The following CNTNAP2 variants were observed in gnomAD, a reference collection of about 807,000 sequenced individuals.
The protein encoded by CNTNAP2 is contactin associated protein 2.
In CNTNAP2, 98 loss-of-function variants were observed where a neutral mutation model predicts 155.2. The observed-to-expected ratio is 0.63, with a 90% CI of 0.54 to 0.75. The LOEUF (loss-of-function observed/expected upper bound fraction) is 0.75. Ranked by LOEUF, CNTNAP2 falls within the 30% of genes least tolerant of loss-of-function variation. The probability of loss-of-function intolerance (pLI) is 0.00; values close to 1 mark genes in which losing one functional copy is unlikely to be tolerated. For synonymous variants in CNTNAP2, 651 were observed against 631.2 expected (o/e 1.03, Z -0.47); for missense variants, 1,727 against 1,688.1 (o/e 1.02, Z -0.40).
At chr7:146,901,249 T>C (rs1045710503) in intron 3 of CNTNAP2, among the ~76,000 whole-genome samples, 20 of 152,144 alleles carry the variant, frequency 1.3e-4, no homozygotes, top group African/African-American at 4.6e-4. Context: ...GCCTCAACAG[T>C]TTCTGCTGAG....
At chr7:146,128,437 A>T (rs995361853) in intron 1 of CNTNAP2, among the ~76,000 whole-genome samples, 4 of 152,194 alleles carry the variant, frequency 2.6e-5, no homozygotes, top group African/African-American at 9.6e-5. Flanking sequence ...AATTCCAGCC[A>T]GTAGTTCTAG....
chr7:147,736,232 C>T (rs1377576400), intron 13 of CNTNAP2, among the ~76,000 whole-genome samples: 1 of 151,838 alleles, frequency 6.6e-6, no homozygotes, highest in African/African-American at 2.4e-5. Context: ...GACAAAATCT[C>T]TCAGCATTTG....
At chr7:147,044,851 T>C (rs1799327112) in intron 4 of CNTNAP2, among the ~76,000 whole-genome samples, 1 of 152,080 alleles carries the variant, frequency 6.6e-6, no homozygotes, top group Admixed American at 6.6e-5. Context: ...GTGACCTCAA[T>C]TTCTTTAAAA....
In CNTNAP2 at chr7:146,599,720, GA is replaced by G. The variant is rs369365862; in HGVS notation, c.98-174550del. 5.0e-3 allele frequency among the ~76,000 whole-genome samples: 726 copies of G among 145,584 alleles called. 5 individuals are homozygous for G. The highest frequency in any genetic ancestry group is 0.017 in the African/African-American group (673 of 38,860). ...CAAAGTTTAGATAGCTATAGAGACA[GA>G]GAGCCAGAAAGACGACAGACAGAGA... On this transcript the variant is annotated intron_variant, in intron 1 of 23. Transcript: ENST00000361727.
chr7:147,864,520 G>C (rs75411189), intron 13 of CNTNAP2, among the ~76,000 whole-genome samples: 1 of 150,308 alleles, frequency 6.7e-6, no homozygotes, highest in African/African-American at 2.5e-5. Flanking sequence ...ACCTTGGGCA[G>C]TATGGCCATT....
chr7:146,171,991 A>T (rs4598171), intron 1 of CNTNAP2, among the ~76,000 whole-genome samples: 1 of 146,980 alleles, frequency 6.8e-6, no homozygotes, highest in Non-Finnish European at 1.5e-5. Context: ...TTTGCTTTGT[A>T]CCTTTATTTC....
intron 1 of CNTNAP2, among the ~76,000 whole-genome samples, chr7:146,697,351 G>C (rs556091591): frequency 5.3e-4 from 81 of 151,740 alleles, no homozygotes; most frequent in Non-Finnish European, 8.8e-4. Flanking sequence ...AATTCTCCCT[G>C]CTCAGCCTCC....
chr7:148,349,846 G>A (rs933880038), intron 21 of CNTNAP2, among the ~76,000 whole-genome samples: 5 of 152,234 alleles, frequency 3.3e-5, no homozygotes, highest in African/African-American at 1.2e-4. Context: ...GCATTTACCT[G>A]AACAGAAGGA....
At chr7:146,271,974 A>G (rs557885867) in intron 1 of CNTNAP2, among the ~76,000 whole-genome samples, 4 of 152,346 alleles carry the variant, frequency 2.6e-5, no homozygotes, top group East Asian at 1.9e-4. Flanking sequence ...TCTTCTACCA[A>G]TAAATTCATG....
chr7:147,922,030 T>C (rs1185948455), intron 14 of CNTNAP2, among the ~76,000 whole-genome samples: 2 of 152,216 alleles, frequency 1.3e-5, no homozygotes, highest in East Asian at 1.9e-4. Flanking sequence ...GCAAGTCCCA[T>C]ATTAGCCATA....
At chr7:146,413,288 C>T (rs1795892635) in intron 1 of CNTNAP2, among the ~76,000 whole-genome samples, 1 of 152,122 alleles carries the variant, frequency 6.6e-6, no homozygotes, top group Non-Finnish European at 1.5e-5. Context: ...TTTCTCAATC[C>T]TGTTTGGATC....
intron 12 of CNTNAP2, among the ~76,000 whole-genome samples, chr7:147,611,308 C>T (rs1801179970): frequency 6.6e-6 from 1 of 152,160 alleles, no homozygotes; most frequent in Non-Finnish European, 1.5e-5. Context: ...GGTTAGAAGA[C>T]TCCTTATTGC....
intron 1 of CNTNAP2, among the ~76,000 whole-genome samples, chr7:146,136,483 A>G (rs548916595): frequency 6.6e-6 from 1 of 152,272 alleles, no homozygotes; most frequent in South Asian, 2.1e-4. Context: ...GGAAGTCAGG[A>G]CAGAAGAGGG....
intron 13 of CNTNAP2, among the ~76,000 whole-genome samples, chr7:147,802,668 C>A (rs540729778): frequency 1.3e-5 from 2 of 151,652 alleles, no homozygotes; most frequent in African/African-American, 4.8e-5. Context: ...CGCAGGCACT[C>A]GGCAGGCTGA....
intron 1 of CNTNAP2, among the ~76,000 whole-genome samples, chr7:146,579,772 T>C (rs1798582597): frequency 2.0e-5 from 3 of 152,050 alleles, no homozygotes; most frequent in Admixed American, 6.6e-5. Flanking sequence ...GAGTAGAAAA[T>C]AAGATGTAAG....
At chr7:148,100,844 G>A (rs1413222064) in intron 15 of CNTNAP2, among the ~76,000 whole-genome samples, 5 of 151,796 alleles carry the variant, frequency 3.3e-5, no homozygotes, top group African/African-American at 7.3e-5. Context: ...TGTTTATAGC[G>A]GCACTATTCA....
chr7:147,598,172 T>C (rs903510091), intron 12 of CNTNAP2, among the ~76,000 whole-genome samples: 34 of 152,210 alleles, frequency 2.2e-4, no homozygotes, highest in African/African-American at 6.7e-4. Flanking sequence ...TCTTTCTTTT[T>C]TTTTTTTTCT....
intron 1 of CNTNAP2, among the ~76,000 whole-genome samples, chr7:146,119,455 A>G (rs1237330380): frequency 6.6e-6 from 1 of 152,166 alleles, no homozygotes; most frequent in African/African-American, 2.4e-5. Context: ...CACTATGGTT[A>G]TGTAAAAATA....
At chr7:146,667,460 T>C (rs1194637674) in intron 1 of CNTNAP2, among the ~76,000 whole-genome samples, 1 of 151,708 alleles carries the variant, frequency 6.6e-6, no homozygotes, top group East Asian at 1.9e-4. Flanking sequence ...GCTATTTGGG[T>C]CTTTTGTGGT....
Sources: allele counts gnomAD v4.1 joint callset (sites outside exome capture counted in the v4.1 genomes callset), GRCh38; gene constraint gnomAD v4.1.1; transcripts MANE v1.5; gene names NCBI Gene and HGNC (gene_info 2026-07-23, HGNC 2026-07-21).